The following WASF3 variants were observed in gnomAD, a reference collection of about 807,000 sequenced individuals.
WASF3 encodes actin-binding protein WASF3.
A neutral mutation model predicts 46.6 loss-of-function variants in WASF3; 11 were observed. The ratio of observed to expected loss-of-function variants is 0.24; its 90% CI spans 0.15 to 0.39. The LOEUF is 0.39. Ranked by LOEUF, WASF3 falls within the 10% of genes least tolerant of loss-of-function variation. The pLI is 1.00. For synonymous variants in WASF3, 242 were observed against 259.7 expected, an observed-to-expected ratio of 0.93 and a Z score of 0.65; for missense variants, 576 against 669.8, an observed-to-expected ratio of 0.86 and a Z score of 1.55.
At chr13:26,585,757 C>G (rs917555691) in intron 1 of WASF3, among the ~76,000 whole-genome samples, 10 of 152,070 alleles carry the variant, frequency 6.6e-5, no homozygotes, top group African/African-American at 2.4e-4. Context: ...CCTAGAAAAA[C>G]CTTTTGACTT....
rs73168083 is a variant in WASF3, at chr13:26,667,074, A to G, written c.269-443A>G. On this transcript the variant is annotated intron_variant, in intron 4 of 9. Transcript: ENST00000335327. ...TCTTTCCTTAATGTTTGTTTCAGAAAAACTTAATGTGTTATTTCCATTTGT... is the reference window on the plus strand; with the variant it reads ...TCTTTCCTTAATGTTTGTTTCAGAAGAACTTAATGTGTTATTTCCATTTGT... Among the ~76,000 whole-genome samples, 1,356 of 152,290 alleles carry G rather than the reference A, an allele frequency of 8.9e-3. 10 individuals carry two copies. Among genetic ancestry groups the G allele is most frequent in the Middle Eastern group, 0.017 (5 of 294 alleles).
At chr13:26,662,394 A>T (rs1882656126) in intron 3 of WASF3, among the ~76,000 whole-genome samples, 1 of 152,220 alleles carries the variant, frequency 6.6e-6, no homozygotes, top group Non-Finnish European at 1.5e-5. Context: ...AAAGACATGG[A>T]ATCCACCTGA....
At chr13:26,642,144 T>G in intron 2 of WASF3, 117 bp from the exon 3 acceptor site, 1 of 1,173,688 alleles carries the variant, frequency 8.5e-7, no homozygotes, top group Non-Finnish European at 1.2e-6. Flanking sequence ...TTCTGTCACA[T>G]AGAAATTTTA....
chr13:26,671,093 A>G (rs1882913521), intron 5 of WASF3, among the ~76,000 whole-genome samples: 1 of 152,208 alleles, frequency 6.6e-6, no homozygotes, highest in Admixed American at 6.5e-5. Flanking sequence ...AGTCTTCAAA[A>G]GCATTAATAG....
At chr13:26,577,275 G>A in intron 1 of WASF3, 1 of 742,148 alleles carries the variant, frequency 1.3e-6, no homozygotes, top group South Asian at 1.4e-5. Context: ...GACTACCGAT[G>A]GTTACTTGCT....
intron 3 of WASF3, among the ~76,000 whole-genome samples, chr13:26,662,894 TACACA>T (rs1882672214): frequency 1.3e-5 from 2 of 152,140 alleles, no homozygotes; most frequent in African/African-American, 4.8e-5. Context: ...CACATACACA[TACACA>T]TACTTATTAG....
At chr13:26,618,178 C>T (rs1314435766) in intron 2 of WASF3, among the ~76,000 whole-genome samples, 1 of 151,600 alleles carries the variant, frequency 6.6e-6, no homozygotes, top group East Asian at 1.9e-4. Context: ...ATTAGTGCCT[C>T]CTTTTTGTTA....
chr13:26,601,925 T>C (rs1880653754), intron 1 of WASF3, among the ~76,000 whole-genome samples: 1 of 152,160 alleles, frequency 6.6e-6, no homozygotes, highest in Non-Finnish European at 1.5e-5. Context: ...ATTTGCCAGA[T>C]TGTGGTGATT....
intron 1 of WASF3, among the ~76,000 whole-genome samples, 161 bp downstream of exon 1, chr13:26,557,980 C>T (rs1461545298): frequency 1.3e-5 from 2 of 150,508 alleles, no homozygotes; most frequent in African/African-American, 4.8e-5. Flanking sequence ...CTGCGGGCTG[C>T]GGCGCCGCCT....
rs1400944622 is a variant in WASF3, at chr13:26,597,944, A to G, written c.-108-15017A>G. Among the ~76,000 whole-genome samples, 11 of 152,290 alleles carry G rather than the reference A, an allele frequency of 7.2e-5. No individual in the cohort carries two copies. The East Asian group carries it at 2.1e-3, about 29-fold the overall frequency. On this transcript the variant is annotated intron_variant, in intron 1 of 9. Coordinates refer to ENST00000335327, the MANE Select transcript of WASF3 (RefSeq NM_006646.6). The stretch of plus-strand genomic sequence containing the variant: ...TAAACATACGTGTGCATGTGTCTTT[A>G]TAGCAGCATGATTTATAATCCTTTG...
At chr13:26,626,867 C>T (rs917508799) in intron 2 of WASF3, among the ~76,000 whole-genome samples, 1 of 152,024 alleles carries the variant, frequency 6.6e-6, no homozygotes, top group African/African-American at 2.4e-5. Context: ...AATACAGAAA[C>T]AAAAACTGAT....
intron 1 of WASF3, among the ~76,000 whole-genome samples, chr13:26,611,657 G>A (rs1180290481): frequency 6.6e-6 from 1 of 152,024 alleles, no homozygotes; most frequent in Non-Finnish European, 1.5e-5. Flanking sequence ...TTCTGTATTT[G>A]GAAATAAGGT....
intron 1 of WASF3, among the ~76,000 whole-genome samples, chr13:26,568,280 G>A (rs972316842): frequency 1.3e-5 from 2 of 152,156 alleles, no homozygotes; most frequent in East Asian, 1.9e-4. Flanking sequence ...GGGTGTCTGT[G>A]TGCTCTGTGT....
chr13:26,623,772 T>G (rs997912760), intron 2 of WASF3, among the ~76,000 whole-genome samples: 1 of 152,190 alleles, frequency 6.6e-6, no homozygotes, highest in Non-Finnish European at 1.5e-5. Context: ...AACAGTCATC[T>G]CTGGAGAGCA....
chr13:26,542,007 A>G, the WASF3 span, among the ~76,000 whole-genome samples: 1 of 152,166 alleles, frequency 6.6e-6, no homozygotes, highest in Non-Finnish European at 1.5e-5. Flanking sequence ...ATCATGCCTG[A>G]CATGCTGTGG....
At chr13:26,650,107 C>G (rs973839408) in intron 3 of WASF3, among the ~76,000 whole-genome samples, 1 of 152,124 alleles carries the variant, frequency 6.6e-6, no homozygotes, top group Non-Finnish European at 1.5e-5. Flanking sequence ...TTTTAACATG[C>G]CTGCCCTCAA....
chr13:26,634,884 G>A (rs781458089), intron 2 of WASF3, among the ~76,000 whole-genome samples: 4 of 152,152 alleles, frequency 2.6e-5, no homozygotes, highest in Non-Finnish European at 4.4e-5. Context: ...TTCCCTTTGT[G>A]GGTAACCCGA....
intron 1 of WASF3, among the ~76,000 whole-genome samples, chr13:26,569,954 A>C (rs1879584649): frequency 6.6e-6 from 1 of 152,208 alleles, no homozygotes; most frequent in African/African-American, 2.4e-5. Flanking sequence ...TAAATGGACA[A>C]GTTTTTCCTT....
the WASF3 span, among the ~76,000 whole-genome samples, chr13:26,545,066 T>C: frequency 6.6e-6 from 1 of 152,248 alleles, no homozygotes; most frequent in Non-Finnish European, 1.5e-5. Context: ...GGGCATGGCT[T>C]GCTCAGAGCA....
Sources: gnomAD v4.1 joint callset for allele counts (sites outside exome capture counted in the v4.1 genomes callset) on GRCh38, gnomAD v4.1.1 for gene constraint, MANE v1.5 for transcripts, NCBI Gene and HGNC (gene_info 2026-07-23, HGNC 2026-07-21) for gene names.